Variants in PSG1 observed in about 807,000 individuals in gnomAD.
PSG1 encodes the protein pregnancy specific beta-1-glycoprotein 1.
Under a neutral mutation model 41.4 loss-of-function variants are expected in PSG1, and 60 were observed. The ratio of observed to expected loss-of-function variants is 1.45; its 90% CI spans 1.18 to 1.80. The LOEUF (loss-of-function observed/expected upper bound fraction) is 1.80. Among genes scored for constraint, PSG1 ranks in the 40% most tolerant of loss-of-function variants. The pLI is 0.00. For missense variants in PSG1, 806 were observed against 516.9 expected (o/e 1.56, Z -5.42); for synonymous variants, 256 against 192.9 (o/e 1.33, Z -2.71).
intron 3 of PSG1, chr19:42,870,107 T>A (rs970981088): frequency 4.0e-5 from 6 of 151,810 alleles, no homozygotes; most frequent in African/African-American, 1.2e-4. Flanking sequence ...AAGTTGTTCA[T>A]GGGTGTGCAG....
At position 42,866,949 on chromosome 19, in the gene PSG1, G is replaced by A. The variant is rs527520014; in HGVS notation, c.*185C>T. On this transcript the variant is annotated 3_prime_UTR_variant, in exon 6 of 6. Coordinates refer to ENST00000436291, the MANE Select transcript of PSG1 (RefSeq NM_001184825.2). ...CTTGTTGTCCTGGTTTACAGTTTGA[G>A]CATCTGTTGTTATGGTGTCGAATAT... 4 of 742,642 alleles carry A rather than the reference G, an allele frequency of 5.4e-6. No individual in the cohort carries two copies. The highest frequency in any genetic ancestry group is 1.8e-5 in the Admixed American group (1 of 55,758). 46.0% of individuals were successfully genotyped at this position (742,642 alleles called of 1,614,324 possible).
At chr19:42,877,372 G>T (rs8110938) in intron 2 of PSG1, among the ~76,000 whole-genome samples, 53,334 of 151,056 alleles carry the variant, frequency 0.35, 10,893 homozygotes, top group African/African-American at 0.51. Context: ...TGAGGGCTGA[G>T]CCCTGGCTGG....
At chr19:42,868,621 G>C in intron 4 of PSG1, 135 bp downstream of exon 4, 1 of 1,527,868 alleles carries the variant, frequency 6.5e-7, no homozygotes, top group East Asian at 2.3e-5. Context: ...TCCCAGGGCA[G>C]GGAGTCATGG....
intron 1 of PSG1, among the ~76,000 whole-genome samples, chr19:42,878,873 C>T (rs1456589702): frequency 6.6e-6 from 1 of 151,538 alleles, no homozygotes; most frequent in Non-Finnish European, 1.5e-5. Context: ...CCTCCATGCC[C>T]TGGGTGTTTT....
chr19:42,876,840 A>AGCCAACAAAT (rs1157043954), intron 2 of PSG1: 1 of 154,398 alleles, frequency 6.5e-6, no homozygotes, highest in Non-Finnish European at 1.4e-5. Context: ...AGAGGATTTG[A>AGCCAACAAAT]GCCAACAAAT....
rs1313286072 is a variant in PSG1 at position 42,868,984 on chromosome 19, T to C, written c.760A>G (p.Asn254Asp). ...CAGGTGAAGTTTAAGACATCCTTAT[T>C]CTCCCTGGGGTTTAAGTTGTTGATG... ...ITINNLNPRE[N>D]KDVLNFTCEP... The change falls in exon 4 of 6, where the codon AAT becomes GAT. Residue 254 changes from asparagine (N) to aspartate (D), a missense_variant. Asn to Asp is a conservative substitution (Grantham distance 23, BLOSUM62 1). Transcript: ENST00000436291. 2 of 1,610,498 alleles carry C rather than the reference T, an allele frequency of 1.2e-6. No homozygotes were observed. Among genetic ancestry groups the C allele is most frequent in the African/African-American group, 1.3e-5 (1 of 74,620 alleles).
rs1276715653 is a variant in PSG1 at position 42,869,334 on chromosome 19, C to A, written c.710-300G>T. ...CCCTGGTACCCTTCCCAGGCCCTCC[C>A]TAATCAGTTGACTGGCTGGCTCACC... is the stretch of plus-strand genomic sequence containing the variant. On this transcript the variant is annotated intron_variant, in intron 3 of 5. Transcript: ENST00000436291. The A allele has an allele frequency of 4.1e-5, 23 of 554,706 alleles. 1 individual carries two copies. The South Asian group carries it at 4.4e-4, about 11-fold the overall frequency. 34.4% of individuals were successfully genotyped at this position (554,706 alleles called of 1,614,324 possible).
rs975213765 is a variant in PSG1 at position 42,878,570 on chromosome 19, C to T, written c.65-292G>A. 28 of 420,592 alleles carry T rather than the reference C, an allele frequency of 6.7e-5. 1 individual carries two copies. The highest frequency in any genetic ancestry group is 1.1e-4 in the African/African-American group (5 of 43,576). 26.1% of individuals were successfully genotyped at this position (420,592 alleles called of 1,614,324 possible). A position where few individuals can be genotyped will look rare whatever the true frequency, so the allele number is the denominator to read the frequency against. On this transcript the variant is annotated intron_variant, in intron 1 of 5. Transcript: ENST00000436291. ...TTTGGAATCCTCTTCCCCAGGGGTC[C>T]GCATGGCCCCCTCCACAATGCCCTC...
intron 2 of PSG1, among the ~76,000 whole-genome samples, chr19:42,874,665 G>T (rs1298478232): frequency 6.6e-6 from 1 of 151,764 alleles, no homozygotes; most frequent in South Asian, 2.1e-4. Context: ...TTAATGAGTT[G>T]TTGCCTTTTG....
At position 42,879,583 on chromosome 19, in the gene PSG1, G is replaced by C. The variant is rs754217254; in HGVS notation, c.-2C>G. On this transcript the variant is annotated 5_prime_UTR_variant, in exon 1 of 6. Coordinates refer to ENST00000436291, the MANE Select transcript of PSG1 (RefSeq NM_001184825.2). ...GGGAGGGGCTGAGAGGGTTCCCATG[G>C]TCTCTGCTGCTTGTGTGTTCTCCTC... 4.3e-6 allele frequency: 7 copies of C among 1,610,290 alleles called. No homozygotes were observed. The South Asian group carries it at 5.5e-5, about 13-fold the overall frequency.
chr19:42,877,803 A>G lies in PSG1; in HGVS notation c.430+110T>C, dbSNP rs1190825857. Reference sequence around the variant, plus strand: ...CTAAATGCCCAAATCCCAGCATGGGACATAACGCAGTGAGTGACACAGGCA... The same window carrying G: ...CTAAATGCCCAAATCCCAGCATGGGGCATAACGCAGTGAGTGACACAGGCA... On this transcript the variant is annotated intron_variant, in intron 2 of 5. Coordinates refer to ENST00000436291, the MANE Select transcript of PSG1 (RefSeq NM_001184825.2). 2 of 1,589,490 alleles carry G rather than the reference A, an allele frequency of 1.3e-6. 1 individual carries two copies. Among genetic ancestry groups the G allele is most frequent in the East Asian group, 4.5e-5 (2 of 44,624 alleles).
rs763289312 is a variant in PSG1 at position 42,868,311 on chromosome 19, G to T, written c.1033C>A (p.Arg345Ser). The stretch of plus-strand genomic sequence containing the variant: ...GACAAGTAGAGGACTTCTCCTGAAC[G>T]GTAATAGGTGAATGAAGGGTAAATT... ...PRIYPSFTYY[R>S]SGEVLYLSCS... Residue 345 changes from arginine (R) to serine (S), a missense_variant, in exon 5 of 6, where the codon CGT (arginine) becomes AGT (serine). By Grantham distance (110) the Arg-to-Ser change is moderately radical. Transcript: ENST00000436291. 2 of 1,611,790 alleles carry T rather than the reference G, an allele frequency of 1.2e-6. No homozygotes were observed. Among genetic ancestry groups the T allele is most frequent in the African/African-American group, 2.7e-5 (2 of 74,608 alleles).
intron 2 of PSG1, among the ~76,000 whole-genome samples, chr19:42,876,207 T>C (rs1365481856): frequency 2.0e-5 from 3 of 151,126 alleles, no homozygotes; most frequent in East Asian, 1.9e-4. Context: ...GGGAGGAAGA[T>C]GAGGGACACA....
chr19:42,876,883 C>G (rs1023475711), intron 2 of PSG1: 1 of 152,536 alleles, frequency 6.6e-6, no homozygotes, highest in East Asian at 1.9e-4. Flanking sequence ...AGTAAGCCCT[C>G]ACTTCTGGTG....
chr19:42,876,943 C>G (rs932098684), intron 2 of PSG1: 2 of 151,640 alleles, frequency 1.3e-5, no homozygotes, highest in Admixed American at 1.3e-4. Flanking sequence ...TGACCCTGAT[C>G]TCCCCTTTGT....
chr19:42,868,437 C>T lies in PSG1; in HGVS notation c.989-82G>A, dbSNP rs982931144. On this transcript the variant is annotated intron_variant, in intron 4 of 5. Coordinates refer to ENST00000436291, the MANE Select transcript of PSG1 (RefSeq NM_001184825.2). ...TGGTCTCTTAAAGGGACACAGTGACCCTCTGAGCCAAGACACACCCTCAAG... is the reference window on the plus strand; with the variant it reads ...TGGTCTCTTAAAGGGACACAGTGACTCTCTGAGCCAAGACACACCCTCAAG... 20 of 1,490,200 alleles carry T rather than the reference C, an allele frequency of 1.3e-5. 1 individual carries two copies. In the African/African-American group the frequency reaches 2.3e-4, roughly 17 times the overall value. 92.3% of individuals were successfully genotyped at this position (1,490,200 alleles called of 1,614,324 possible).
chr19:42,871,839 C>T lies in PSG1; in HGVS notation c.637G>A (p.Gly213Arg). 6.2e-7 allele frequency: 1 copy of T among 1,612,558 alleles called. No individual in the cohort carries two copies. The highest frequency in any genetic ancestry group is 8.5e-7 in the Non-Finnish European group (1 of 1,179,236). Residue 213 changes from glycine (G) to arginine (R), a missense_variant, in exon 3 of 6, where the codon GGA becomes AGA. Coordinates refer to ENST00000436291, the MANE Select transcript of PSG1 (RefSeq NM_001184825.2). ...FLLGVTKYTA[G>R]PYECEIRNPV... is the part of the protein sequence containing the mutation. ...TTCCGTATTTCACATTCATAGGGTC[C>T]TGCAGTATACTTTGTGACACCCAAT...
intron 2 of PSG1, among the ~76,000 whole-genome samples, chr19:42,877,059 A>T (rs1971637847): frequency 6.6e-6 from 1 of 151,668 alleles, no homozygotes; most frequent in African/African-American, 2.4e-5. Flanking sequence ...GCTATCTGTG[A>T]ATAAATGTTA....
chr19:42,879,069 G>A (rs1434756708), intron 1 of PSG1, among the ~76,000 whole-genome samples: 1 of 151,378 alleles, frequency 6.6e-6, no homozygotes, highest in Non-Finnish European at 1.5e-5. Flanking sequence ...GGTCCAATAC[G>A]ACTTTCCTGT....
Sources: gnomAD v4.1 joint callset for allele counts (sites outside exome capture counted in the v4.1 genomes callset) on GRCh38, gnomAD v4.1.1 for gene constraint, MANE v1.5 for transcripts, NCBI Gene and HGNC (gene_info 2026-07-23, HGNC 2026-07-21) for gene names.